Variants in LINGO2 observed in about 807,000 individuals in gnomAD.
The protein encoded by LINGO2 is leucine rich repeat and Ig domain containing 2.
A neutral mutation model predicts 30.6 loss-of-function variants in LINGO2; 14 were observed. The ratio of observed to expected loss-of-function variants is 0.46; its 90% CI spans 0.30 to 0.72. LINGO2 has a LOEUF of 0.72. Among genes scored for constraint, LINGO2 ranks in the 30% least tolerant of loss-of-function variants. The pLI is 0.07. For missense variants in LINGO2, 729 were observed against 751.7 expected (o/e 0.97, Z 0.35); for synonymous variants, 317 against 288.5 (o/e 1.10, Z -1.00).
At chr9:28,445,438 T>C (rs1399445714) in intron 2 of LINGO2, among the ~76,000 whole-genome samples, 4 of 152,108 alleles carry the variant, frequency 2.6e-5, no homozygotes, top group African/African-American at 9.7e-5. Flanking sequence ...TTTGCCTCTC[T>C]TGGAAAAGGA....
At chr9:28,978,656 G>A in the LINGO2 span, among the ~76,000 whole-genome samples, 1 of 151,862 alleles carries the variant, frequency 6.6e-6, no homozygotes, top group Non-Finnish European at 1.5e-5. Flanking sequence ...AGAGATGTTG[G>A]GTACAACAGT....
chr9:29,131,169 A>C, the LINGO2 span, among the ~76,000 whole-genome samples: 4 of 152,156 alleles, frequency 2.6e-5, no homozygotes, highest in African/African-American at 9.7e-5. Context: ...TCGTTTTTAT[A>C]GCAAGCATTC....
chr9:28,081,773 T>C (rs1002285388), intron 4 of LINGO2, among the ~76,000 whole-genome samples: 1 of 152,202 alleles, frequency 6.6e-6, no homozygotes, highest in Non-Finnish European at 1.5e-5. Flanking sequence ...TGCAGTAAAA[T>C]TCATGCAAAC....
chr9:27,984,805 A>C (rs1821046193), intron 5 of LINGO2, among the ~76,000 whole-genome samples: 1 of 151,848 alleles, frequency 6.6e-6, no homozygotes, highest in Non-Finnish European at 1.5e-5. Flanking sequence ...AAATCTTTAT[A>C]ACACCCTATG....
chr9:28,557,724 AT>A (rs1564290908), intron 1 of LINGO2, among the ~76,000 whole-genome samples: 1 of 150,994 alleles, frequency 6.6e-6, no homozygotes, highest in Non-Finnish European at 1.5e-5. Context: ...ATTATTCACA[AT>A]AGCAAAGACT....
At chr9:29,101,698 G>A in the LINGO2 span, among the ~76,000 whole-genome samples, 1 of 152,112 alleles carries the variant, frequency 6.6e-6, no homozygotes, top group Admixed American at 6.5e-5. Flanking sequence ...ATTTTACTTA[G>A]CATAATAATC....
At chr9:28,688,093 C>T in the LINGO2 span, among the ~76,000 whole-genome samples, 1 of 152,096 alleles carries the variant, frequency 6.6e-6, no homozygotes, top group South Asian at 2.1e-4. Flanking sequence ...ATGCGCACTC[C>T]CCTATTTACA....
chr9:28,978,617 T>C, the LINGO2 span, among the ~76,000 whole-genome samples: 2 of 152,142 alleles, frequency 1.3e-5, no homozygotes, highest in Non-Finnish European at 2.9e-5. Context: ...GAGTATTTTG[T>C]TTCATTTTAA....
intron 4 of LINGO2, among the ~76,000 whole-genome samples, chr9:28,122,606 G>C (rs1240967499): frequency 3.3e-5 from 5 of 152,140 alleles, no homozygotes; most frequent in African/African-American, 1.2e-4. Flanking sequence ...TCGCTCTGTG[G>C]GTTTCAGTAT....
intron 1 of LINGO2, among the ~76,000 whole-genome samples, chr9:28,605,202 A>T: frequency 6.6e-6 from 1 of 152,196 alleles, no homozygotes. Flanking sequence ...TTTTATATTG[A>T]TCACATGTTG....
At chr9:29,181,089 T>C in the LINGO2 span, among the ~76,000 whole-genome samples, 5 of 152,168 alleles carry the variant, frequency 3.3e-5, no homozygotes, top group Admixed American at 1.3e-4. Flanking sequence ...GTATTAAAAA[T>C]TGGACAGCAT....
At chr9:28,781,522 C>T in the LINGO2 span, among the ~76,000 whole-genome samples, 1 of 152,104 alleles carries the variant, frequency 6.6e-6, no homozygotes, top group Non-Finnish European at 1.5e-5. Flanking sequence ...CTATTTCCTG[C>T]TTTAGAAAAG....
chr9:28,379,604 C>T (rs1049428691), intron 2 of LINGO2, among the ~76,000 whole-genome samples: 1 of 152,074 alleles, frequency 6.6e-6, no homozygotes, highest in African/African-American at 2.4e-5. Flanking sequence ...AGAAGTATGA[C>T]TTAGGATCAA....
downstream of LINGO2, chr9:27,944,007 A>T (rs1444376734): frequency 6.6e-6 from 1 of 152,146 alleles, no homozygotes; most frequent in African/African-American, 2.4e-5. Flanking sequence ...CAAATTTGGA[A>T]AGAGTAACAT....
At position 28,553,534 on chromosome 9, in the gene LINGO2, G is replaced by A. The variant is rs536918886; in HGVS notation, c.-364-77509C>T. The stretch of plus-strand genomic sequence containing the variant: ...AATCTACGTCTGATTGGTGTACCTG[G>A]AAGTGATGGGGAGAATGGAACCAAG... On this transcript the variant is annotated intron_variant, in intron 1 of 5. Transcript: ENST00000379992. 5.9e-3 allele frequency among the ~76,000 whole-genome samples: 896 copies of A among 152,162 alleles called. 3 individuals are homozygous for A. The highest frequency in any genetic ancestry group is 0.012 in the Admixed American group (188 of 15,276).
At chr9:28,233,058 A>ATATATATATG (rs1439281599) in intron 4 of LINGO2, among the ~76,000 whole-genome samples, 1 of 126,276 alleles carries the variant, frequency 7.9e-6, no homozygotes, top group African/African-American at 3.2e-5. Flanking sequence ...ATATATATAT[A>ATATATATATG]TATTAGATAT....
At chr9:28,905,472 A>G in the LINGO2 span, among the ~76,000 whole-genome samples, 5 of 151,952 alleles carry the variant, frequency 3.3e-5, no homozygotes, top group South Asian at 6.2e-4. Flanking sequence ...ATGTGACTAA[A>G]AATAGGCAAA....
the LINGO2 span, among the ~76,000 whole-genome samples, chr9:28,705,068 C>A: frequency 6.6e-6 from 1 of 152,114 alleles, no homozygotes; most frequent in South Asian, 2.1e-4. Flanking sequence ...GTAAGCACCA[C>A]CATGCCTGGC....
chr9:28,646,059 G>A (rs1018271167), intron 1 of LINGO2, among the ~76,000 whole-genome samples: 5 of 152,046 alleles, frequency 3.3e-5, no homozygotes, highest in African/African-American at 1.2e-4. Context: ...ATTAGAAACT[G>A]TAGGCCAACT....
Sources: allele counts gnomAD v4.1 joint callset (sites outside exome capture counted in the v4.1 genomes callset), GRCh38; gene constraint gnomAD v4.1.1; transcripts MANE v1.5; gene names NCBI Gene and HGNC (gene_info 2026-07-23, HGNC 2026-07-21).